The following RAD51B variants were observed in gnomAD, a reference collection of about 807,000 sequenced individuals.
The protein encoded by RAD51B is DNA repair protein RAD51 homolog 2.
In RAD51B, 38 loss-of-function variants were observed where a neutral mutation model predicts 42.2. The ratio of observed to expected loss-of-function variants is 0.90; its 90% CI spans 0.70 to 1.18. The LOEUF (loss-of-function observed/expected upper bound fraction) is 1.18. RAD51B is among the 50% of genes most tolerant of loss of function. The pLI, the probability that RAD51B is intolerant of heterozygous loss-of-function variation, is 0.00. For synonymous variants in RAD51B, 154 were observed against 145.2 expected (o/e 1.06, Z -0.43); for missense variants, 373 against 400.7 (o/e 0.93, Z 0.59).
At chr14:68,259,579 C>T (rs1450262855) in intron 7 of RAD51B, among the ~76,000 whole-genome samples, 2 of 151,740 alleles carry the variant, frequency 1.3e-5, no homozygotes, top group Admixed American at 6.6e-5. Context: ...TTTTAAGAGA[C>T]TGAAGAAGAA....
At chr14:68,413,362 A>G (rs969835239) in intron 9 of RAD51B, among the ~76,000 whole-genome samples, 3 of 151,978 alleles carry the variant, frequency 2.0e-5, no homozygotes, top group Non-Finnish European at 4.4e-5. Flanking sequence ...CAGTTCATCA[A>G]CTCCCATCCC....
chr14:68,027,099 A>G (rs956653304), intron 7 of RAD51B, among the ~76,000 whole-genome samples: 1 of 151,984 alleles, frequency 6.6e-6, no homozygotes, highest in Non-Finnish European at 1.5e-5. Context: ...TAGTTTATGA[A>G]GCTTAGTTTG....
chr14:68,344,578 C>T (rs958398680), intron 8 of RAD51B, among the ~76,000 whole-genome samples: 2 of 151,466 alleles, frequency 1.3e-5, no homozygotes, highest in African/African-American at 4.9e-5. Context: ...ACCTGGGAGG[C>T]GGAGCTTGCA....
intron 7 of RAD51B, among the ~76,000 whole-genome samples, chr14:67,997,691 C>T (rs181646162): frequency 2.4e-4 from 37 of 152,228 alleles, no homozygotes; most frequent in East Asian, 1.5e-3. Context: ...TAATTTTTCA[C>T]GTACTGTCCT....
chr14:67,868,328 G>A (rs1438194137), intron 5 of RAD51B, among the ~76,000 whole-genome samples: 3 of 152,146 alleles, frequency 2.0e-5, no homozygotes, highest in South Asian at 2.1e-4. Context: ...GGTGACAGAC[G>A]GCACCTGGAA....
At chr14:68,425,971 TCTTTCTTCCTTC>T (rs2084828419) in intron 9 of RAD51B, among the ~76,000 whole-genome samples, 2 of 81,866 alleles carry the variant, frequency 2.4e-5, no homozygotes, top group Non-Finnish European at 5.7e-5. Flanking sequence ...TTTCTTTCTT[TCTTTCTTCCTTC>T]CTTCCTTCCT....
At chr14:68,037,632 G>T (rs2076154870) in intron 7 of RAD51B, among the ~76,000 whole-genome samples, 1 of 152,158 alleles carries the variant, frequency 6.6e-6, no homozygotes, top group Admixed American at 6.5e-5. Flanking sequence ...ATAAAGCGCA[G>T]GTTAGCACAA....
At chr14:68,060,418 A>G (rs1426020496) in intron 7 of RAD51B, among the ~76,000 whole-genome samples, 1 of 152,224 alleles carries the variant, frequency 6.6e-6, no homozygotes, top group Non-Finnish European at 1.5e-5. Flanking sequence ...AGCTGCAGCT[A>G]CTTTCTCAGA....
chr14:68,574,271 C>T (rs144750097), intron 10 of RAD51B, among the ~76,000 whole-genome samples: 401 of 152,174 alleles, frequency 2.6e-3, no homozygotes, highest in African/African-American at 8.8e-3. Flanking sequence ...ATTGGCTGCA[C>T]GCACCAGCAT....
At chr14:67,961,239 C>T (rs2074659940) in intron 7 of RAD51B, among the ~76,000 whole-genome samples, 1 of 152,112 alleles carries the variant, frequency 6.6e-6, no homozygotes, top group African/African-American at 2.4e-5. Context: ...CTTCTGGGCT[C>T]AAGCAATTCT....
rs544846198 is a variant in RAD51B, at chr14:68,110,473, G to A, written c.757-181411G>A. Among the ~76,000 whole-genome samples the A allele has an allele frequency of 3.9e-5, 6 of 152,128 alleles. No individual in the cohort carries two copies. In the South Asian group the frequency reaches 1.2e-3, roughly 32 times the overall value. ...GAAAGGAAAAGAGGGAGGGAGCAAA[G>A]TGGCATTACTTACTTTGGTCTCTCT... On this transcript the variant is annotated intron_variant, in intron 7 of 10. Transcript: ENST00000471583.
intron 7 of RAD51B, among the ~76,000 whole-genome samples, chr14:68,042,656 C>G (rs2076235865): frequency 6.6e-6 from 1 of 152,104 alleles, no homozygotes; most frequent in African/African-American, 2.4e-5. Context: ...AGGAGCGTCC[C>G]TCTTAGAGCA....
chr14:68,343,250 C>A (rs2139843280), intron 8 of RAD51B, among the ~76,000 whole-genome samples: 1 of 152,154 alleles, frequency 6.6e-6, no homozygotes, highest in African/African-American at 2.4e-5. Context: ...GATATTAAAC[C>A]CTAATCAGAT....
intron 10 of RAD51B, among the ~76,000 whole-genome samples, chr14:68,488,110 C>T (rs1276616958): frequency 1.3e-5 from 2 of 150,630 alleles, no homozygotes; most frequent in Non-Finnish European, 2.9e-5. Flanking sequence ...ATGGTTATTA[C>T]ATGGAAAGAC....
intron 7 of RAD51B, among the ~76,000 whole-genome samples, chr14:68,177,318 G>T (rs1033981522): frequency 6.6e-6 from 1 of 152,096 alleles, no homozygotes; most frequent in Non-Finnish European, 1.5e-5. Flanking sequence ...CATGCACTTG[G>T]GTGTGCATGC....
chr14:68,021,813 G>A (rs534950158), intron 7 of RAD51B, among the ~76,000 whole-genome samples: 242 of 152,252 alleles, frequency 1.6e-3, no homozygotes, highest in African/African-American at 5.6e-3. Context: ...TCTAAAAAAT[G>A]TACAAGCCTT....
intron 7 of RAD51B, among the ~76,000 whole-genome samples, chr14:68,154,086 T>C (rs1439937154): frequency 1.3e-5 from 2 of 152,254 alleles, no homozygotes; most frequent in Non-Finnish European, 2.9e-5. Context: ...TTGATTTTTC[T>C]CCTCACTGTG....
chr14:67,858,536 C>CA (rs892909998), intron 4 of RAD51B, among the ~76,000 whole-genome samples: 1 of 151,998 alleles, frequency 6.6e-6, no homozygotes, highest in Non-Finnish European at 1.5e-5. Context: ...TGCAATTATG[C>CA]AAAAAATTTT....
intron 7 of RAD51B, among the ~76,000 whole-genome samples, chr14:68,063,501 C>T (rs1300064863): frequency 6.6e-6 from 1 of 152,030 alleles, no homozygotes; most frequent in Non-Finnish European, 1.5e-5. Flanking sequence ...TTTGGGAGGC[C>T]GAAGCGGGCG....
Sources: allele counts gnomAD v4.1 joint callset (sites outside exome capture counted in the v4.1 genomes callset), GRCh38; gene constraint gnomAD v4.1.1; transcripts MANE v1.5; gene names NCBI Gene and HGNC (gene_info 2026-07-23, HGNC 2026-07-21).